The following DCN variants were observed in gnomAD, a reference collection of about 807,000 sequenced individuals.
DCN encodes the protein bone proteoglycan II.
DCN carries 17 observed loss-of-function variants against 36.5 expected under a neutral mutation model. The observed-to-expected ratio is 0.47, with a 90% CI of 0.32 to 0.70. DCN has a LOEUF of 0.70. Among genes scored for constraint, DCN ranks in the 30% least tolerant of loss-of-function variants. DCN has a pLI of 0.04. For synonymous variants in DCN, 163 were observed against 161.4 expected, an observed-to-expected ratio of 1.01 and a Z score of -0.07; for missense variants, 389 against 430.1, an observed-to-expected ratio of 0.90 and a Z score of 0.84.
At chr12:91,162,786 G>A (rs1565781220) in intron 3 of DCN, among the ~76,000 whole-genome samples, 1 of 152,058 alleles carries the variant, frequency 6.6e-6, no homozygotes, top group Non-Finnish European at 1.5e-5. Flanking sequence ...TACTCACTAG[G>A]AGGATTCTGT....
intron 2 of DCN, chr12:91,177,486 C>T (rs1233344240): frequency 1.5e-6 from 1 of 671,420 alleles, no homozygotes; most frequent in East Asian, 2.7e-5. Flanking sequence ...TAAGAAAATA[C>T]ACCCCTTCAA....
At chr12:91,146,334 T>C in intron 7 of DCN, 82 bp from the exon 8 acceptor site, 1 of 777,832 alleles carries the variant, frequency 1.3e-6, no homozygotes, top group Non-Finnish European at 2.1e-6. Flanking sequence ...TTTTTTTTAT[T>C]ATTTTTTAAT....
At chr12:91,160,530 G>C (rs1255114907) in intron 3 of DCN, among the ~76,000 whole-genome samples, 2 of 151,948 alleles carry the variant, frequency 1.3e-5, no homozygotes, top group African/African-American at 4.8e-5. Context: ...CCAGAATTCT[G>C]AGTTTAGAAT....
rs773682574 is a variant in DCN, at chr12:91,156,999, T to C, written c.652+76A>G. The C allele has an allele frequency of 4.8e-5, 52 of 1,081,846 alleles. 1 individual carries two copies. Among genetic ancestry groups the C allele is most frequent in the Non-Finnish European group, 7.2e-5 (51 of 710,892 alleles). 67.0% of individuals were successfully genotyped at this position (1,081,846 alleles called of 1,614,324 possible). ...GGCCTCTTAGGTGACAATTCCAGTT[T>C]CCACAAGATTTTTTTTTTTTAATTA... On this transcript the variant is annotated intron_variant, in intron 5 of 7. Transcript: ENST00000052754.
rs565445759 is a variant in DCN at position 91,178,079 on chromosome 12, G to T, written c.211+263C>A. Among the ~76,000 whole-genome samples the T allele has an allele frequency of 2.0e-5, 3 of 152,076 alleles. 1 individual carries two copies. In the South Asian group the frequency reaches 6.2e-4, roughly 32 times the overall value. ...TGTAGAAGAAGGGATATAAAGCTCA[G>T]AAATATTTTTAAAAATGATTTGTCC... On this transcript the variant is annotated intron_variant, in intron 2 of 7. Transcript: ENST00000052754.
chr12:91,164,422 AAGAAAAACAGTGTTTGGGGC>A (rs1565782377), intron 3 of DCN, among the ~76,000 whole-genome samples, 163 bp downstream of exon 3: 3 of 146,816 alleles, frequency 2.0e-5, no homozygotes, highest in African/African-American at 7.5e-5. Context: ...AAAAAAGAAA[AAGAAAAACAGTGTTTGGGGC>A]AGAATTAATA....
Position 91,157,150 on chromosome 12 carries a change from T to A in DCN, c.577A>T (p.Asn193Tyr). The change falls in exon 5 of 8, where the codon AAT (asparagine) becomes TAT (tyrosine). Residue 193 changes from asparagine to tyrosine, a missense_variant. Transcript: ENST00000052754. ...TNPLKSSGIE[N>Y]GAFQGMKKLS... ...TTCTTCATTCCCTGGAAAGCCCCAT[T>A]TTCAATTCCTGAGCTCTTCAGCGGA... 1 of 1,613,990 alleles carries A rather than the reference T, an allele frequency of 6.2e-7. No homozygotes were observed. The highest frequency in any genetic ancestry group is 1.7e-5 in the Admixed American group (1 of 60,022).
At chr12:91,171,441 T>C (rs894167053) in intron 2 of DCN, among the ~76,000 whole-genome samples, 31 of 152,330 alleles carry the variant, frequency 2.0e-4, no homozygotes, top group African/African-American at 6.7e-4. Flanking sequence ...TATGCATTTA[T>C]CCCAATACCA....
intron 3 of DCN, among the ~76,000 whole-genome samples, chr12:91,162,204 C>T (rs529320612): frequency 1.3e-5 from 2 of 152,126 alleles, no homozygotes; most frequent in African/African-American, 2.4e-5. Context: ...CTCCCAAAGT[C>T]CTGGGATTAC....
At position 91,144,097 on chromosome 12, in the gene DCN, G is replaced by T. The variant is rs1367352501; in HGVS notation, c.*1961C>A. 6.6e-6 allele frequency: 1 copy of T among 152,032 alleles called. No homozygotes were observed. The highest frequency in any genetic ancestry group is 6.6e-5 in the Admixed American group (1 of 15,238). The allele number at this position is 152,032 out of a possible 1,614,324, so 9.4% of individuals were successfully genotyped here. ...TTGTCAGTTAAGCAGCAGGATATCT[G>T]CAGGCTTTTCCCCATAAGAGAAAGG... is the stretch of plus-strand genomic sequence containing the variant. On this transcript the variant is annotated 3_prime_UTR_variant, in exon 8 of 8. Transcript: ENST00000052754.
chr12:91,176,892 C>T (rs1420504420), intron 2 of DCN: 2 of 152,078 alleles, frequency 1.3e-5, no homozygotes, highest in Admixed American at 1.3e-4. Flanking sequence ...TTTTTTCAAC[C>T]CTGTTATTTT....
chr12:91,180,951 C>T (rs1868372094), intron 1 of DCN: 1 of 152,112 alleles, frequency 6.6e-6, no homozygotes, highest in Non-Finnish European at 1.5e-5. Flanking sequence ...GGTTGTTTCA[C>T]TAACAACCCA....
At position 91,178,371 on chromosome 12, in the gene DCN, T is replaced by C; in HGVS notation, c.182A>G (p.His61Arg). Reference sequence around the variant, plus strand: ...ATCAGAACACTGGACCACTCGAAGATGGCATTGACAGCGGAAGGGGCACAC... The same window carrying C: ...ATCAGAACACTGGACCACTCGAAGACGGCATTGACAGCGGAAGGGGCACAC... Reference protein sequence around the residue: ...GPVCPFRCQCHLRVVQCSDLG... With the variant: ...GPVCPFRCQCRLRVVQCSDLG... Residue 61 changes from histidine to arginine, a missense_variant, in exon 2 of 8, where the codon CAT (histidine) becomes CGT (arginine). By Grantham distance (29) the His-to-Arg change is conservative. Transcript: ENST00000052754. 1 of 1,613,866 alleles carries C rather than the reference T, an allele frequency of 6.2e-7. No homozygotes were observed. The highest frequency in any genetic ancestry group is 8.5e-7 in the Non-Finnish European group (1 of 1,179,946).
At chr12:91,146,326 TTTTTTATTA>T (rs1273759185) in intron 7 of DCN, 74 bp from the exon 8 acceptor site, 13 of 806,350 alleles carry the variant, frequency 1.6e-5, no homozygotes, top group Non-Finnish European at 2.0e-5. Flanking sequence ...ACATTTTATT[TTTTTTATTA>T]TTTTTTAATC....
chr12:91,181,671 G>C (rs13312814), intron 1 of DCN, among the ~76,000 whole-genome samples: 19,101 of 151,956 alleles, frequency 0.13, 1,733 homozygotes, highest in African/African-American at 0.25. Context: ...ATCAACATTT[G>C]CATTATGTTA....
chr12:91,171,167 T>C (rs1009202339), intron 2 of DCN, among the ~76,000 whole-genome samples: 1 of 152,188 alleles, frequency 6.6e-6, no homozygotes, highest in African/African-American at 2.4e-5. Flanking sequence ...TTTCTCACAA[T>C]CTTAAGTAGA....
At chr12:91,147,002 T>G (rs1363879534) in intron 7 of DCN, among the ~76,000 whole-genome samples, 2 of 152,222 alleles carry the variant, frequency 1.3e-5, no homozygotes, top group African/African-American at 4.8e-5. Context: ...CTTCCTAAAT[T>G]TTATTCTTTT....
At chr12:91,151,444 T>C in intron 7 of DCN, 1 of 577,380 alleles carries the variant, frequency 1.7e-6, no homozygotes, top group Non-Finnish European at 3.0e-6. Context: ...ATCTCCATAC[T>C]TCTAAATCAA....
rs925548866 is a variant in DCN at position 91,157,023 on chromosome 12, T to G, written c.652+52A>C. The G allele has an allele frequency of 4.2e-5, 56 of 1,336,284 alleles. 1 individual carries two copies. In the African/African-American group the frequency reaches 6.8e-4, roughly 16 times the overall value. 82.8% of individuals were successfully genotyped at this position (1,336,284 alleles called of 1,614,324 possible). A position where few individuals can be genotyped will look rare whatever the true frequency, so the allele number is the denominator to read the frequency against. Reference sequence around the variant, plus strand: ...TTCCACAAGATTTTTTTTTTTTAATTAAAGCCTTTGAATTTAAATTTTTCA... The same window carrying G: ...TTCCACAAGATTTTTTTTTTTTAATGAAAGCCTTTGAATTTAAATTTTTCA... On this transcript the variant is annotated intron_variant, in intron 5 of 7. Transcript: ENST00000052754.
Sources: allele counts gnomAD v4.1 joint callset (sites outside exome capture counted in the v4.1 genomes callset), GRCh38; gene constraint gnomAD v4.1.1; transcripts MANE v1.5; gene names NCBI Gene and HGNC (gene_info 2026-07-23, HGNC 2026-07-21).